Variants in TMEM132C observed in about 807,000 individuals in gnomAD.
The protein encoded by TMEM132C is transmembrane protein 132C, also known as protein phosphatase 1, regulatory subunit 152.
A neutral mutation model predicts 61.4 loss-of-function variants in TMEM132C; 29 were observed. The ratio of observed to expected loss-of-function variants is 0.47; its 90% confidence interval spans 0.35 to 0.64. The LOEUF is 0.64. TMEM132C is among the 30% of genes least tolerant of loss of function. The pLI, the probability that TMEM132C is intolerant of heterozygous loss-of-function variation, is 0.00. For synonymous variants in TMEM132C, 656 were observed against 633.1 expected, an observed-to-expected ratio of 1.04 and a Z score of -0.54; for missense variants, 1,408 against 1,476.9, an observed-to-expected ratio of 0.95 and a Z score of 0.76.
chr12:128,395,029 C>G (rs988998141), intron 1 of TMEM132C, among the ~76,000 whole-genome samples: 4 of 150,762 alleles, frequency 2.7e-5, no homozygotes, highest in African/African-American at 9.7e-5. Context: ...TAATTTTTTT[C>G]TAAACATTTA....
intron 2 of TMEM132C, chr12:128,437,969 A>C (rs1469678168): frequency 1.3e-5 from 2 of 152,224 alleles, no homozygotes; most frequent in Non-Finnish European, 2.9e-5. Context: ...GGAGTAATAA[A>C]ATGGTGAATC....
At chr12:128,477,337 A>G (rs1007050801) in intron 2 of TMEM132C, among the ~76,000 whole-genome samples, 1 of 152,186 alleles carries the variant, frequency 6.6e-6, no homozygotes, top group Non-Finnish European at 1.5e-5. Flanking sequence ...CAGAGAAGAA[A>G]AGAACAAGCA....
At chr12:128,376,792 G>A (rs1874205659) in intron 1 of TMEM132C, among the ~76,000 whole-genome samples, 1 of 152,232 alleles carries the variant, frequency 6.6e-6, no homozygotes, top group Non-Finnish European at 1.5e-5. Flanking sequence ...ATAGGTGTGT[G>A]CCCCGAAGTG....
intron 1 of TMEM132C, among the ~76,000 whole-genome samples, chr12:128,328,002 G>T (rs1054494462): frequency 6.6e-5 from 10 of 152,034 alleles, no homozygotes; most frequent in African/African-American, 2.2e-4. Context: ...GGTAGAATGA[G>T]GTCTGCTTGA....
intron 3 of TMEM132C, among the ~76,000 whole-genome samples, chr12:128,549,815 C>T (rs754757848): frequency 1.3e-5 from 2 of 152,164 alleles, no homozygotes; most frequent in Non-Finnish European, 1.5e-5. Flanking sequence ...CTCCTTCAAG[C>T]ATTCGAGGTA....
At chr12:128,339,465 G>A (rs1393257061) in intron 1 of TMEM132C, among the ~76,000 whole-genome samples, 1 of 152,040 alleles carries the variant, frequency 6.6e-6, no homozygotes, top group East Asian at 1.9e-4. Context: ...TTCCTAGGAT[G>A]TGCCTGTTCT....
At chr12:128,349,592 G>C (rs571113130) in intron 1 of TMEM132C, among the ~76,000 whole-genome samples, 1 of 152,136 alleles carries the variant, frequency 6.6e-6, no homozygotes, top group Non-Finnish European at 1.5e-5. Context: ...ATAGGTTCTT[G>C]TCAAATTGCC....
At chr12:128,681,509 T>A (rs945508598) in intron 5 of TMEM132C, among the ~76,000 whole-genome samples, 1 of 152,198 alleles carries the variant, frequency 6.6e-6, no homozygotes, top group Admixed American at 6.5e-5. Context: ...CTGGGATGGC[T>A]GGATCCAGGG....
chr12:128,447,237 G>C (rs572703763), intron 2 of TMEM132C, among the ~76,000 whole-genome samples: 205 of 152,290 alleles, frequency 1.3e-3, no homozygotes, highest in Middle Eastern at 0.01. Flanking sequence ...AAGCATGATT[G>C]GCTGAGTTTG....
At chr12:128,495,524 A>G (rs1420797462) in intron 2 of TMEM132C, among the ~76,000 whole-genome samples, 5 of 152,168 alleles carry the variant, frequency 3.3e-5, no homozygotes, top group Admixed American at 3.3e-4. Context: ...GTGCTCGTGT[A>G]TTGGGTGCAT....
intron 3 of TMEM132C, among the ~76,000 whole-genome samples, chr12:128,600,889 C>A (rs554875081): frequency 5.9e-5 from 9 of 152,092 alleles, no homozygotes; most frequent in African/African-American, 2.2e-4. Context: ...AAAACTATAT[C>A]CCCCCAGGGC....
chr12:128,404,954 A>G (rs1875289231), intron 1 of TMEM132C: 1 of 152,216 alleles, frequency 6.6e-6, no homozygotes, highest in South Asian at 2.1e-4. Context: ...ATGGATAAAC[A>G]GGAAGGGAGA....
intron 5 of TMEM132C, among the ~76,000 whole-genome samples, chr12:128,678,084 T>A (rs1954607852): frequency 6.6e-6 from 1 of 152,190 alleles, no homozygotes; most frequent in Non-Finnish European, 1.5e-5. Context: ...GTTTTTAGGG[T>A]ATCTACAGGA....
intron 4 of TMEM132C, among the ~76,000 whole-genome samples, chr12:128,652,359 C>T (rs1357817366): frequency 2.6e-5 from 4 of 152,202 alleles, no homozygotes; most frequent in Non-Finnish European, 5.9e-5. Context: ...GTCAGCCCCA[C>T]AACATCCCAT....
At chr12:128,536,698 A>G (rs1421928770) in intron 2 of TMEM132C, among the ~76,000 whole-genome samples, 1 of 152,044 alleles carries the variant, frequency 6.6e-6, no homozygotes, top group African/African-American at 2.4e-5. Context: ...TAGCCTTTTA[A>G]CTATTCACAA....
At chr12:128,309,121 A>C (rs577063836) in intron 1 of TMEM132C, among the ~76,000 whole-genome samples, 1 of 152,244 alleles carries the variant, frequency 6.6e-6, no homozygotes, top group South Asian at 2.1e-4. Context: ...CCGTGACGGG[A>C]CTGCTGACCT....
chr12:128,566,629 C>T (rs576367095), intron 3 of TMEM132C, among the ~76,000 whole-genome samples: 11 of 152,282 alleles, frequency 7.2e-5, no homozygotes, highest in Admixed American at 3.9e-4. Flanking sequence ...GGCAGAGTGA[C>T]GCCATCCTTA....
At chr12:128,422,740 G>T (rs1869031890) in intron 2 of TMEM132C, among the ~76,000 whole-genome samples, 1 of 152,140 alleles carries the variant, frequency 6.6e-6, no homozygotes, top group Non-Finnish European at 1.5e-5. Flanking sequence ...GGGCTGTCTG[G>T]TGCATTGTAA....
At chr12:128,440,972 CAG>C (rs1869763265) in intron 2 of TMEM132C, among the ~76,000 whole-genome samples, 1 of 152,096 alleles carries the variant, frequency 6.6e-6, no homozygotes, top group African/African-American at 2.4e-5. Context: ...ATCTGGGAGA[CAG>C]AGGTTGCAGT....
Sources: allele counts gnomAD v4.1 joint callset (sites outside exome capture counted in the v4.1 genomes callset), GRCh38; gene constraint gnomAD v4.1.1; transcripts MANE v1.5; gene names NCBI Gene and HGNC (gene_info 2026-07-23, HGNC 2026-07-21).